CRB1: variants seen among roughly 807,000 people sequenced by gnomAD.
The protein encoded by CRB1 is crumbs cell polarity complex component 1, also known as protein crumbs homolog 1.
In CRB1, 83 loss-of-function variants were observed where a neutral mutation model predicts 120.0. The ratio of observed to expected loss-of-function variants is 0.69; its 90% CI spans 0.58 to 0.83. The LOEUF (loss-of-function observed/expected upper bound fraction) is 0.83, where lower values mean the gene tolerates loss of function less well. CRB1 is among the 40% of genes least tolerant of loss of function. The probability of loss-of-function intolerance (pLI) is 0.00; values close to 1 mark genes in which losing one functional copy is unlikely to be tolerated. For synonymous variants in CRB1, 625 were observed against 612.5 expected (o/e 1.02, Z -0.30); for missense variants, 1,699 against 1,687.6 (o/e 1.01, Z -0.12).
chr1:197,477,739 C>G lies in CRB1; in HGVS notation c.4081C>G (p.Leu1361Val), dbSNP rs1470310426. Residue 1361 changes from leucine (L) to valine (V), a missense_variant, in exon 12 of 12, where the codon CTG becomes GTG. Leu to Val is a conservative substitution (Grantham distance 32). Coordinates refer to ENST00000367400, the MANE Select transcript of CRB1 (RefSeq NM_201253.3). ...TGTCGCCTTGTTACTGATCCTCTTG[C>G]TGGCCATTGTTGCTTCTGTTGTCAC... ...VTVALLLILL[L>V]AIVASVVTSN... 6.2e-7 allele frequency: 1 copy of G among 1,613,958 alleles called. No individual in the cohort carries two copies.
chr1:197,275,445 AT>A (rs897733786), intron 1 of CRB1, among the ~76,000 whole-genome samples: 1 of 152,086 alleles, frequency 6.6e-6, no homozygotes, highest in Non-Finnish European at 1.5e-5. Flanking sequence ...AATAGTTGTT[AT>A]GTTTCAAGAG....
At chr1:197,465,607 G>A (rs1036230917) in intron 11 of CRB1, among the ~76,000 whole-genome samples, 4 of 152,118 alleles carry the variant, frequency 2.6e-5, no homozygotes, top group Admixed American at 6.6e-5. Flanking sequence ...CTTGGGATCT[G>A]ACCAGCCTCT....
At position 197,328,443 on chromosome 1, in the gene CRB1, A is replaced by G; in HGVS notation, c.92A>G (p.Asn31Ser). The G allele has an allele frequency of 6.2e-7, 1 of 1,613,892 alleles. No homozygotes were observed. Among genetic ancestry groups the G allele is most frequent in the Middle Eastern group, 1.7e-4 (1 of 6,060 alleles). The change falls in exon 2 of 12, where the codon AAC becomes AGC. Residue 31 changes from asparagine to serine, a missense_variant. Physicochemically the swap from Asn to Ser is conservative, Grantham distance 46 (BLOSUM62 1). Coordinates refer to ENST00000367400, the MANE Select transcript of CRB1 (RefSeq NM_201253.3). ...GTAGATTCCTTTTGCAATAAAAACA[A>G]CACCAGGTGCCTCTCAAATTCTTGC... Reference protein sequence around the residue: ...YIKNSFCNKNNTRCLSNSCQN... With the variant: ...YIKNSFCNKNSTRCLSNSCQN...
At position 197,357,013 on chromosome 1, in the gene CRB1, G is replaced by A; in HGVS notation, c.1171G>A (p.Gly391Arg). 2 of 1,614,164 alleles carry A rather than the reference G, an allele frequency of 1.2e-6. No homozygotes were observed. Among genetic ancestry groups the A allele is most frequent in the Non-Finnish European group, 1.7e-6 (2 of 1,179,990 alleles). ...CTGTATCTGTCAGCCTGGATTCACAGGTGAGGCCAAGGAGATGGGATATGA... is the reference window on the plus strand; with the variant it reads ...CTGTATCTGTCAGCCTGGATTCACAAGTGAGGCCAAGGAGATGGGATATGA... ...YVCICQPGFT[G>R]IHCEEDVNEC... The change falls in exon 5 of 12, where the codon GGA (glycine) becomes AGA (arginine). Residue 391 changes from glycine to arginine, a missense_variant and splice_region_variant. Transcript: ENST00000367400.
chr1:197,387,525 T>G (rs575689568), intron 5 of CRB1, among the ~76,000 whole-genome samples: 1 of 152,200 alleles, frequency 6.6e-6, no homozygotes, highest in Admixed American at 6.5e-5. Flanking sequence ...TCTCTACATC[T>G]TTTTTGGAGC....
chr1:197,473,862 A>AG (rs919963295), intron 11 of CRB1, among the ~76,000 whole-genome samples: 12 of 152,064 alleles, frequency 7.9e-5, no homozygotes, highest in African/African-American at 2.9e-4. Flanking sequence ...GCAAAAAAAA[A>AG]AAAGCCTTTC....
intron 11 of CRB1, among the ~76,000 whole-genome samples, chr1:197,461,062 A>G (rs1368009499): frequency 6.6e-6 from 1 of 152,180 alleles, no homozygotes; most frequent in Non-Finnish European, 1.5e-5. Flanking sequence ...TATGTAAATT[A>G]TCCATATTTG....
At chr1:197,453,484 CTG>C (rs934083965) in intron 11 of CRB1, among the ~76,000 whole-genome samples, 17 of 135,916 alleles carry the variant, frequency 1.3e-4, no homozygotes, top group Admixed American at 4.0e-4. Context: ...CATTAAATAA[CTG>C]TGTGTGTATA....
In CRB1 at chr1:197,268,464, C is replaced by T; in HGVS notation, c.52C>T (p.Leu18=). The change falls in exon 1 of 12, where the codon CTG becomes TTG. Residue 18 remains leucine (L), a synonymous_variant. Transcript: ENST00000367400. ...YLLIFYLSFS[L]LIYIKNSFCN... is the part of the protein sequence containing the mutation. The stretch of plus-strand genomic sequence containing the variant: ...TCTCATCTTCTACCTCAGTTTCTCA[C>T]TGCTTATCTACATAAAAAGTAAGCC... The T allele has an allele frequency of 1.2e-6, 2 of 1,612,492 alleles. No individual in the cohort carries two copies. The highest frequency in any genetic ancestry group is 2.7e-5 in the African/African-American group (2 of 74,988).
chr1:197,238,367 A>T, the CRB1 span, among the ~76,000 whole-genome samples: 1 of 152,198 alleles, frequency 6.6e-6, no homozygotes, highest in Non-Finnish European at 1.5e-5. Context: ...ATGCTTATTT[A>T]TATAGGTATC....
At chr1:197,316,374 C>T (rs1442583466) in intron 1 of CRB1, among the ~76,000 whole-genome samples, 3 of 135,536 alleles carry the variant, frequency 2.2e-5, no homozygotes, top group South Asian at 2.6e-4. Context: ...TTAGTAGATA[C>T]GGGGTTTCAC....
the CRB1 span, among the ~76,000 whole-genome samples, chr1:197,220,489 G>T: frequency 2.0e-5 from 3 of 152,196 alleles, no homozygotes; most frequent in African/African-American, 7.2e-5. Flanking sequence ...GATCCAAGGA[G>T]ATGGGAGCAG....
At chr1:197,471,322 C>T (rs1030384450) in intron 11 of CRB1, among the ~76,000 whole-genome samples, 3 of 152,198 alleles carry the variant, frequency 2.0e-5, no homozygotes, top group Admixed American at 1.3e-4. Flanking sequence ...AGACTTCAAA[C>T]CCTGCTAACT....
intron 11 of CRB1, among the ~76,000 whole-genome samples, chr1:197,446,769 G>A (rs925913329): frequency 1.1e-4 from 16 of 152,262 alleles, no homozygotes; most frequent in Middle Eastern, 6.8e-3. Context: ...TTTTTTGGGA[G>A]AAGCTGTGGG....
chr1:197,222,394 G>A, the CRB1 span: 1 of 766,256 alleles, frequency 1.3e-6, no homozygotes, highest in Non-Finnish European at 2.4e-6. Flanking sequence ...TCTTGGCCAG[G>A]ACTTGCAGTA....
chr1:197,435,388 A>G lies in CRB1; in HGVS notation c.3525A>G (p.Glu1175=). The part of the protein sequence containing the change: ...CPLGWSGKHC[E]LNIDECFSNP... ...TGGGATGGTCAGGGAAACACTGTGA[A>G]CTCAACATCGATGAATGCTTTTCAA... Residue 1175 remains glutamate (E), a synonymous_variant, in exon 9 of 12, where the codon GAA becomes GAG. Coordinates refer to ENST00000367400, the MANE Select transcript of CRB1 (RefSeq NM_201253.3). 2 of 1,608,874 alleles carry G rather than the reference A, an allele frequency of 1.2e-6. No homozygotes were observed. The highest frequency in any genetic ancestry group is 1.7e-6 in the Non-Finnish European group (2 of 1,176,928).
rs548366245 is a variant in CRB1 at position 197,329,159 on chromosome 1, A to G, written c.652+156A>G. ...TAGATAGAAACTCCCTAAACTGCTG[A>G]AAATCCACTGAATGCACTGAATTCT... is the stretch of plus-strand genomic sequence containing the variant. On this transcript the variant is annotated intron_variant, in intron 2 of 11. Transcript: ENST00000367400. Among the ~76,000 whole-genome samples the G allele has an allele frequency of 9.8e-4, 150 of 152,360 alleles. 1 individual carries two copies. The highest frequency in any genetic ancestry group is 3.4e-3 in the African/African-American group (143 of 41,588).
At chr1:197,281,172 A>C (rs1655501574) in intron 1 of CRB1, among the ~76,000 whole-genome samples, 1 of 151,934 alleles carries the variant, frequency 6.6e-6, no homozygotes, top group Non-Finnish European at 1.5e-5. Flanking sequence ...GACTGATGTG[A>C]GGGAACAGGC....
the CRB1 span, chr1:197,223,250 G>C: frequency 1.1e-5 from 11 of 1,000,924 alleles, no homozygotes; most frequent in South Asian, 1.2e-4. Context: ...GATTCGAATA[G>C]ATTGAATATT....
Sources: allele counts gnomAD v4.1 joint callset (sites outside exome capture counted in the v4.1 genomes callset), GRCh38; gene constraint gnomAD v4.1.1; transcripts MANE v1.5; gene names NCBI Gene and HGNC (gene_info 2026-07-23, HGNC 2026-07-21).